CAND1: variants seen among roughly 807,000 people sequenced by gnomAD.
The protein encoded by CAND1 is cullin associated and neddylation dissociated 1, also known as cullin-associated NEDD8-dissociated protein 1.
Under a neutral mutation model 108.5 loss-of-function variants are expected in CAND1, and 7 were observed. The observed-to-expected ratio is 0.06, with a 90% CI of 0.04 to 0.12. The LOEUF is 0.12. Ranked by LOEUF, CAND1 falls within the 10% of genes least tolerant of loss-of-function variation. The probability of loss-of-function intolerance (pLI) is 1.00; values close to 1 mark genes in which losing one functional copy is unlikely to be tolerated. For synonymous variants in CAND1, 534 were observed against 512.0 expected (o/e 1.04, Z -0.58); for missense variants, 941 against 1,448.7 (o/e 0.65, Z 5.69).
chr12:67,281,427 G>A (rs1294293257), intron 1 of CAND1, among the ~76,000 whole-genome samples: 8 of 152,162 alleles, frequency 5.3e-5, no homozygotes, highest in Admixed American at 1.3e-4. Context: ...GCAATGCAAC[G>A]TACTTGTTTT....
In CAND1 at chr12:67,275,694, A is replaced by G. The variant is rs141683073; in HGVS notation, c.68+5909A>G. Among the ~76,000 whole-genome samples the G allele has an allele frequency of 6.3e-4, 96 of 152,246 alleles. No individual in the cohort carries two copies. The Middle Eastern group carries it at 0.01, about 16-fold the overall frequency. On this transcript the variant is annotated intron_variant, in intron 1 of 14. Coordinates refer to ENST00000545606, the MANE Select transcript of CAND1 (RefSeq NM_018448.5). ...ATTTCTGGTTGGAAGCAAGAGTAAA[A>G]TTGTGTTTATGTATGATGGGAGAGG...
chr12:67,307,001 C>T (rs2044893776), intron 10 of CAND1, among the ~76,000 whole-genome samples: 1 of 151,952 alleles, frequency 6.6e-6, no homozygotes, highest in South Asian at 2.1e-4. Flanking sequence ...CAGTGTCATC[C>T]CCATTAGAAC....
intron 2 of CAND1, among the ~76,000 whole-genome samples, chr12:67,289,685 A>G (rs1195387476): frequency 1.3e-5 from 2 of 152,216 alleles, no homozygotes; most frequent in African/African-American, 4.8e-5. Flanking sequence ...GCTGAAAGCT[A>G]GAACTCTTTA....
At chr12:67,295,373 C>G (rs992195204) in intron 4 of CAND1, among the ~76,000 whole-genome samples, 3 of 152,012 alleles carry the variant, frequency 2.0e-5, no homozygotes, top group African/African-American at 7.2e-5. Context: ...TTTTGTAGTT[C>G]TTTAAAGTAA....
At chr12:67,286,167 C>G (rs1008457700) in intron 2 of CAND1, among the ~76,000 whole-genome samples, 11 of 152,018 alleles carry the variant, frequency 7.2e-5, no homozygotes, top group African/African-American at 2.7e-4. Context: ...GCCACCACGC[C>G]CAACTAATTT....
In CAND1 at chr12:67,305,035, G is replaced by A; in HGVS notation, c.1436-69G>A. ...GTGGGAACATTAGCAGTACTATAGG[G>A]GTTGATTTTTAATTTTTCTTTCTTA... is the stretch of plus-strand genomic sequence containing the variant. On this transcript the variant is annotated intron_variant, in intron 9 of 14. Transcript: ENST00000545606. The surrounding 1 kb of genome is among the most constrained non-coding windows in gnomAD (Gnocchi z 4.4). The A allele has an allele frequency of 3.9e-6, 5 of 1,297,114 alleles. No homozygotes were observed. The highest frequency in any genetic ancestry group is 5.3e-6 in the Non-Finnish European group (5 of 937,928). 80.4% of individuals were successfully genotyped at this position (1,297,114 alleles called of 1,614,324 possible).
rs1332982214 is a variant in CAND1 at position 67,269,601 on chromosome 12, C to G, written c.-117C>G. The G allele has an allele frequency of 1.2e-6, 1 of 844,912 alleles. No individual in the cohort carries two copies. The highest frequency in any genetic ancestry group is 1.8e-5 in the African/African-American group (1 of 54,504). The allele number at this position is 844,912 out of a possible 1,614,324, so 52.3% of individuals were successfully genotyped here. ...GTCAGCGTCGGCGTCGCGCTGCGAC[C>G]CTGGAAGCGGGAGCCGCCGCGAGCG... On this transcript the variant is annotated 5_prime_UTR_variant, in exon 1 of 15. Coordinates refer to ENST00000545606, the MANE Select transcript of CAND1 (RefSeq NM_018448.5).
At chr12:67,289,995 G>A (rs956022473) in intron 2 of CAND1, among the ~76,000 whole-genome samples, 1 of 152,022 alleles carries the variant, frequency 6.6e-6, no homozygotes, top group Non-Finnish European at 1.5e-5. Context: ...TGCATTGGCT[G>A]CCAGTTTTAT....
chr12:67,269,837 C>A, intron 1 of CAND1, 52 bp downstream of exon 1: 1 of 1,513,910 alleles, frequency 6.6e-7, no homozygotes. Flanking sequence ...GCAGCCGCGG[C>A]CCTGGCCGTC....
rs1329671795 is a variant in CAND1 at position 67,317,682 on chromosome 12, C to T, written c.*4852C>T. On this transcript the variant is annotated 3_prime_UTR_variant, in exon 15 of 15. Coordinates refer to ENST00000545606, the MANE Select transcript of CAND1 (RefSeq NM_018448.5). ...ATTTTTAGTAGAGATGGAGTTTTGC[C>T]ATGTTGGCCAGGCTGGTTTCAAACT... is the stretch of plus-strand genomic sequence containing the variant. 6.6e-6 allele frequency: 1 copy of T among 152,078 alleles called. No individual in the cohort carries two copies. Among genetic ancestry groups the T allele is most frequent in the Non-Finnish European group, 1.5e-5 (1 of 68,124 alleles). 9.4% of individuals were successfully genotyped at this position (152,078 alleles called of 1,614,324 possible). A position where few individuals can be genotyped will look rare whatever the true frequency, so the allele number is the denominator to read the frequency against.
chr12:67,273,554 C>G (rs1286728453), intron 1 of CAND1, among the ~76,000 whole-genome samples: 5 of 149,924 alleles, frequency 3.3e-5, no homozygotes, highest in Non-Finnish European at 7.4e-5. Flanking sequence ...CACCTCAACT[C>G]ACTGCAGCTT....
At chr12:67,278,175 T>G (rs898863110) in intron 1 of CAND1, among the ~76,000 whole-genome samples, 1 of 152,196 alleles carries the variant, frequency 6.6e-6, no homozygotes, top group African/African-American at 2.4e-5. Context: ...GTCACTCTTT[T>G]GCTCAGGCTG....
At chr12:67,304,820 T>C in intron 9 of CAND1, 74 bp downstream of exon 9, 1 of 1,527,488 alleles carries the variant, frequency 6.5e-7, no homozygotes, top group East Asian at 2.3e-5. Context: ...GCTTAAATAA[T>C]TGTTTCCTTT....
intron 1 of CAND1, among the ~76,000 whole-genome samples, chr12:67,272,573 G>A (rs561819267): frequency 3.1e-4 from 47 of 152,274 alleles, no homozygotes; most frequent in African/African-American, 1.1e-3. Context: ...TTGTGTTTTA[G>A]TATTGTGCAT....
Position 67,319,245 on chromosome 12 carries a change from C to T in CAND1, c.*6415C>T, listed in dbSNP as rs541218727. 134 of 152,356 alleles carry T rather than the reference C, an allele frequency of 8.8e-4. No homozygotes were observed. Among genetic ancestry groups the T allele is most frequent in the Admixed American group, 1.6e-3 (25 of 15,302 alleles). The allele number at this position is 152,356 out of a possible 1,614,324, so 9.4% of individuals were successfully genotyped here. Reference sequence around the variant, plus strand: ...CCCATAGGATAAGTACAAACTAGATCTGGTTACTGCCTGCCCCACCAGCCT... The same window carrying T: ...CCCATAGGATAAGTACAAACTAGATTTGGTTACTGCCTGCCCCACCAGCCT... On this transcript the variant is annotated 3_prime_UTR_variant, in exon 15 of 15. Coordinates refer to ENST00000545606, the MANE Select transcript of CAND1 (RefSeq NM_018448.5).
chr12:67,304,879 A>G, intron 9 of CAND1, 133 bp downstream of exon 9: 1 of 1,089,266 alleles, frequency 9.2e-7, no homozygotes, highest in African/African-American at 1.6e-5. Flanking sequence ...CTAACTTTTT[A>G]ATCTAACAAT....
rs1469960187 is a variant in CAND1 at position 67,297,731 on chromosome 12, CATT to C, written c.749-14_749-12del. The stretch of plus-strand genomic sequence containing the variant: ...AAATTAATGCATGTTTTTAAAGAAC[CATT>C]ATGCTTTTCTTAGGTGAATACCTTG... On this transcript the variant is annotated splice_polypyrimidine_tract_variant and intron_variant, in intron 5 of 14. Transcript: ENST00000545606. 1 of 1,585,462 alleles carries C rather than the reference CATT, an allele frequency of 6.3e-7. No homozygotes were observed.
chr12:67,292,775 T>TTTA lies in CAND1; in HGVS notation c.366_367insTTA (p.Ser122_Gly123insLeu). 6.2e-7 allele frequency: 1 copy of TTTA among 1,613,056 alleles called. No individual in the cohort carries two copies. Among genetic ancestry groups the TTTA allele is most frequent in the Non-Finnish European group, 8.5e-7 (1 of 1,179,674 alleles). ...TTGGAGAACTTCCTCCAGCTTCCAG[T>TTTA]GGTAAGCAAGAGCACATTTTTCTTC... On this transcript the variant is annotated inframe_insertion and splice_region_variant, in exon 3 of 15. Transcript: ENST00000545606.
intron 1 of CAND1, among the ~76,000 whole-genome samples, chr12:67,277,427 CAT>C (rs750700546): frequency 9.2e-5 from 14 of 152,260 alleles, no homozygotes; most frequent in African/African-American, 2.2e-4. Context: ...TTATCTAACA[CAT>C]ATGTTTTTTT....
Sources: gnomAD v4.1 joint callset for allele counts (sites outside exome capture counted in the v4.1 genomes callset) on GRCh38, gnomAD v4.1.1 for gene constraint, Gnocchi (gnomAD v3.1) non-coding constraint, MANE v1.5 for transcripts, NCBI Gene and HGNC (gene_info 2026-07-23, HGNC 2026-07-21) for gene names.